Variants in RNF38 observed in about 807,000 individuals in gnomAD.
RNF38 encodes the protein ring finger protein 38.
Under a neutral mutation model 67.2 loss-of-function variants are expected in RNF38, and 15 were observed. That is an observed-to-expected ratio of 0.22 (90% CI 0.15 to 0.34). The LOEUF is 0.34. Among genes scored for constraint, RNF38 ranks in the 10% least tolerant of loss-of-function variants. RNF38 has a pLI of 1.00. For synonymous variants in RNF38, 220 were observed against 218.8 expected (o/e 1.01, Z -0.05); for missense variants, 524 against 639.9 (o/e 0.82, Z 1.95).
intron 1 of RNF38, among the ~76,000 whole-genome samples, chr9:36,436,752 G>A (rs143337364): frequency 3.6e-4 from 53 of 148,604 alleles, no homozygotes; most frequent in Non-Finnish European, 6.2e-4. Flanking sequence ...GGACCCGGGA[G>A]GTGGAGCTTG....
At chr9:36,340,491 C>T (rs1039182098) in intron 11 of RNF38, among the ~76,000 whole-genome samples, 1 of 152,142 alleles carries the variant, frequency 6.6e-6, no homozygotes, top group Non-Finnish European at 1.5e-5. Context: ...CTAAGTGATC[C>T]TCCTGCTTCA....
chr9:36,482,156 C>T (rs567199535), intron 1 of RNF38, among the ~76,000 whole-genome samples: 17 of 150,064 alleles, frequency 1.1e-4, no homozygotes, highest in Non-Finnish European at 1.8e-4. Context: ...TGGGTTCAAG[C>T]GATTCTCCTG....
intron 9 of RNF38, among the ~76,000 whole-genome samples, chr9:36,346,308 C>T (rs10972863): frequency 0.35 from 53,452 of 151,866 alleles, 9,525 homozygotes; most frequent in Middle Eastern, 0.49. Flanking sequence ...CAGGTTCAGG[C>T]GATTCTCTTG....
chr9:36,395,676 T>G (rs1390793158), intron 1 of RNF38, among the ~76,000 whole-genome samples: 1 of 152,162 alleles, frequency 6.6e-6, no homozygotes, highest in Non-Finnish European at 1.5e-5. Context: ...AAAACATGTT[T>G]GAATCTCTAA....
At chr9:36,446,955 C>A (rs1438534573) in intron 1 of RNF38, among the ~76,000 whole-genome samples, 1 of 149,698 alleles carries the variant, frequency 6.7e-6, no homozygotes, top group African/African-American at 2.5e-5. Context: ...ACCGTCTCTA[C>A]CAAAAATACA....
At chr9:36,403,817 A>C (rs1838117208), upstream of RNF38, among the ~76,000 whole-genome samples, 2 of 152,214 alleles carry the variant, frequency 1.3e-5, no homozygotes, top group African/African-American at 4.8e-5. Context: ...CCTATTCTTC[A>C]ATGCTAAATC....
chr9:36,474,218 C>T (rs1328918551), intron 1 of RNF38, among the ~76,000 whole-genome samples: 1 of 148,966 alleles, frequency 6.7e-6, no homozygotes, highest in Non-Finnish European at 1.5e-5. Context: ...GAGGCTAAGG[C>T]AGGAGAATGG....
intron 2 of RNF38, among the ~76,000 whole-genome samples, chr9:36,377,995 T>C (rs1194327864): frequency 6.8e-6 from 1 of 146,886 alleles, no homozygotes. Context: ...AAGTTAGTTA[T>C]GTTCTGATAA....
intron 1 of RNF38, among the ~76,000 whole-genome samples, chr9:36,435,783 C>T (rs949691083): frequency 3.3e-5 from 5 of 152,038 alleles, no homozygotes; most frequent in African/African-American, 4.8e-5. Flanking sequence ...GTGCCTGCCA[C>T]GACGCCCGGC....
In RNF38 at chr9:36,393,433, G is replaced by T. The variant is rs114187408; in HGVS notation, c.13-2817C>A. Among the ~76,000 whole-genome samples the T allele has an allele frequency of 8.3e-3, 1,246 of 150,384 alleles. 17 individuals are homozygous for T. The highest frequency in any genetic ancestry group is 0.029 in the African/African-American group (1,190 of 40,888). ...CCATAGATGGGCTTGATTAAAATGA[G>T]GTACAATTTTTACTACTAGGTAAAA... On this transcript the variant is annotated intron_variant, in intron 1 of 11. Transcript: ENST00000259605.
chr9:36,439,041 AATC>A (rs1839134072), intron 1 of RNF38, among the ~76,000 whole-genome samples: 2 of 151,920 alleles, frequency 1.3e-5, no homozygotes, highest in Admixed American at 1.3e-4. Context: ...TCATACTTCA[AATC>A]TATGCAGAAT....
intron 10 of RNF38, among the ~76,000 whole-genome samples, chr9:36,343,393 C>T (rs1015473358): frequency 2.6e-5 from 4 of 151,952 alleles, no homozygotes; most frequent in African/African-American, 7.3e-5. Flanking sequence ...ATGTATAAAA[C>T]CTCTACAACT....
chr9:36,405,434 G>A (rs1348023996), upstream of RNF38, among the ~76,000 whole-genome samples: 2 of 152,160 alleles, frequency 1.3e-5, no homozygotes, highest in Admixed American at 1.3e-4. Context: ...GCTCTAAATG[G>A]TTGATTTGGT....
At chr9:36,380,130 G>A (rs1836099830) in intron 2 of RNF38, among the ~76,000 whole-genome samples, 1 of 152,180 alleles carries the variant, frequency 6.6e-6, no homozygotes, top group African/African-American at 2.4e-5. Flanking sequence ...AAATGTTTAT[G>A]ATAAAATCAC....
chr9:36,474,497 T>C lies in RNF38; in HGVS notation n.241+12811A>G, dbSNP rs1455215849. ...GTGTTTTCGGAGGCTATCTGTAAAG[T>C]AAGATGCAGTAAAGCATGACGGCTA... is the stretch of plus-strand genomic sequence containing the variant. On this transcript the variant is annotated intron_variant and non_coding_transcript_variant, in intron 1 of 3. Coordinates refer to the RNF38 transcript ENST00000488058. Among the ~76,000 whole-genome samples, 11 of 148,288 alleles carry C rather than the reference T, an allele frequency of 7.4e-5. 2 individuals are homozygous for C. In the South Asian group the frequency reaches 2.2e-3, roughly 30 times the overall value.
At chr9:36,429,689 G>T (rs1176840713) in intron 1 of RNF38, among the ~76,000 whole-genome samples, 1 of 152,166 alleles carries the variant, frequency 6.6e-6, no homozygotes, top group African/African-American at 2.4e-5. Flanking sequence ...AGCTACTCGG[G>T]AGGCTGAGGC....
Position 36,356,292 on chromosome 9 carries a change from G to C in RNF38, c.909+11C>G. 6.2e-7 allele frequency: 1 copy of C among 1,613,430 alleles called. No homozygotes were observed. ...AACTAAACATTCTGACATAATAGTA[G>C]AGATACCTACCGATCGTGATTGCTG... On this transcript the variant is annotated intron_variant, in intron 6 of 11. Coordinates refer to ENST00000259605, the MANE Select transcript of RNF38 (RefSeq NM_022781.5).
At chr9:36,425,136 T>C (rs1838735448) in intron 1 of RNF38, among the ~76,000 whole-genome samples, 1 of 152,220 alleles carries the variant, frequency 6.6e-6, no homozygotes, top group African/African-American at 2.4e-5. Flanking sequence ...ACTTTAAATG[T>C]TTTTATTATT....
At chr9:36,431,178 C>T (rs943662806) in intron 1 of RNF38, among the ~76,000 whole-genome samples, 2 of 152,166 alleles carry the variant, frequency 1.3e-5, no homozygotes, top group African/African-American at 4.8e-5. Flanking sequence ...CTCAAGGAAA[C>T]ATCTATAATC....
Sources: gnomAD v4.1 joint callset for allele counts (sites outside exome capture counted in the v4.1 genomes callset) on GRCh38, gnomAD v4.1.1 for gene constraint, MANE v1.5 for transcripts, NCBI Gene and HGNC (gene_info 2026-07-23, HGNC 2026-07-21) for gene names.